BMPR1A: variants seen among roughly 807,000 people sequenced by gnomAD.
The protein encoded by BMPR1A is bone morphogenetic protein receptor type 1A, also known as bone morphogenetic protein receptor type-1A.
Under a neutral mutation model 66.0 loss-of-function variants are expected in BMPR1A, and 7 were observed. The ratio of observed to expected loss-of-function variants is 0.11; its 90% CI spans 0.06 to 0.20. The LOEUF is 0.20. BMPR1A is among the 10% of genes least tolerant of loss of function. BMPR1A has a pLI of 1.00. For synonymous variants in BMPR1A, 200 were observed against 229.7 expected (o/e 0.87, Z 1.17); for missense variants, 408 against 669.1 (o/e 0.61, Z 4.31).
intron 1 of BMPR1A, among the ~76,000 whole-genome samples, chr10:86,757,418 C>T (rs973015433): frequency 3.3e-5 from 5 of 152,198 alleles, no homozygotes; most frequent in African/African-American, 1.2e-4. Flanking sequence ...GCTGCTTCAC[C>T]TGTTGTCCTG....
chr10:86,871,929 A>G (rs1385967836), intron 2 of BMPR1A, among the ~76,000 whole-genome samples: 2 of 152,126 alleles, frequency 1.3e-5, no homozygotes, highest in East Asian at 3.9e-4. Flanking sequence ...TTTTGGTTGT[A>G]TCTCAAGTGG....
intron 9 of BMPR1A, among the ~76,000 whole-genome samples, chr10:86,918,663 G>A (rs1047546995): frequency 6.4e-5 from 9 of 141,194 alleles, no homozygotes; most frequent in Non-Finnish European, 1.2e-4. Context: ...TCATTCTGTC[G>A]CTCAGGCTGG....
chr10:86,887,122 C>T (rs574415311), intron 3 of BMPR1A, among the ~76,000 whole-genome samples: 1 of 152,160 alleles, frequency 6.6e-6, no homozygotes, highest in Admixed American at 6.5e-5. Flanking sequence ...CGTGAGCCAC[C>T]GCGCCTGGCC....
In BMPR1A at chr10:86,800,472, A is replaced by G. The variant is rs138128383; in HGVS notation, c.-267-38393A>G. ...TGCAATGTGAAATCGGCTCACCGCA[A>G]CCTCCGCCTCCCAGGTTCAAGCGAT... On this transcript the variant is annotated intron_variant, in intron 1 of 12. Transcript: ENST00000372037. Among the ~76,000 whole-genome samples the G allele has an allele frequency of 4.5e-3, 678 of 152,186 alleles. 9 individuals are homozygous for G. The highest frequency in any genetic ancestry group is 0.015 in the African/African-American group (639 of 41,514).
At chr10:86,810,115 C>T (rs545605484) in intron 1 of BMPR1A, among the ~76,000 whole-genome samples, 8 of 151,968 alleles carry the variant, frequency 5.3e-5, no homozygotes, top group South Asian at 2.1e-4. Context: ...AGATTACAGG[C>T]GCCCACCACC....
intron 3 of BMPR1A, among the ~76,000 whole-genome samples, chr10:86,884,611 C>G (rs1230379966): frequency 1.3e-5 from 2 of 151,316 alleles, no homozygotes; most frequent in African/African-American, 2.4e-5. Flanking sequence ...ACAAGAGTTT[C>G]ACCATGTTGG....
chr10:86,919,370 C>A lies in BMPR1A; in HGVS notation c.1067C>A (p.Pro356His). Residue 356 changes from proline to histidine, a missense_variant, in exon 10 of 13, where the codon CCC becomes CAC. By Grantham distance (77) the Pro-to-His change is moderately conservative. Transcript: ENST00000372037. ...GAAATTTATGGCACCCAAGGAAAGC[C>A]CGCAATTGCTCATCGAGACCTAAAG... ...HTEIYGTQGK[P>H]AIAHRDLKSK... The A allele has an allele frequency of 6.2e-7, 1 of 1,613,126 alleles. No homozygotes were observed. The highest frequency in any genetic ancestry group is 1.1e-5 in the South Asian group (1 of 91,032).
intron 1 of BMPR1A, among the ~76,000 whole-genome samples, chr10:86,826,782 T>C (rs1259552539): frequency 3.3e-5 from 5 of 152,126 alleles, no homozygotes; most frequent in African/African-American, 4.8e-5. Flanking sequence ...AATTTCAAAA[T>C]AGAATTTTGT....
At chr10:86,813,863 T>G (rs1269426733) in intron 1 of BMPR1A, among the ~76,000 whole-genome samples, 4 of 152,230 alleles carry the variant, frequency 2.6e-5, no homozygotes, top group African/African-American at 9.6e-5. Context: ...CTAGAAGGGC[T>G]TATGGGAACA....
intron 1 of BMPR1A, among the ~76,000 whole-genome samples, chr10:86,826,861 G>A (rs1371512314): frequency 6.6e-6 from 1 of 151,778 alleles, no homozygotes; most frequent in Non-Finnish European, 1.5e-5. Context: ...AGACATTTAT[G>A]TACATTACAT....
rs150229118 is a variant in BMPR1A at position 86,771,790 on chromosome 10, C to G, written c.-268+14871C>G. ...ATTGATTGATTGAAGCAGGGTCTCACGCATTCCATTCCCCAGGCAGGAGTG... is the reference window on the plus strand; with the variant it reads ...ATTGATTGATTGAAGCAGGGTCTCAGGCATTCCATTCCCCAGGCAGGAGTG... On this transcript the variant is annotated intron_variant, in intron 1 of 12. Coordinates refer to ENST00000372037, the MANE Select transcript of BMPR1A (RefSeq NM_004329.3). Among the ~76,000 whole-genome samples the G allele has an allele frequency of 3.9e-3, 590 of 152,268 alleles. 2 individuals are homozygous for G. The highest frequency in any genetic ancestry group is 7.6e-3 in the African/African-American group (314 of 41,538).
chr10:86,811,117 C>A (rs950831234), intron 1 of BMPR1A, among the ~76,000 whole-genome samples: 4 of 152,182 alleles, frequency 2.6e-5, no homozygotes, highest in Non-Finnish European at 5.9e-5. Flanking sequence ...TGGTTCACGG[C>A]AACATCTGGC....
Position 86,782,089 on chromosome 10 carries a change from C to A in BMPR1A, c.-268+25170C>A, listed in dbSNP as rs147408624. Among the ~76,000 whole-genome samples, 1,049 of 152,024 alleles carry A rather than the reference C, an allele frequency of 6.9e-3. 13 individuals are homozygous for A. The highest frequency in any genetic ancestry group is 0.024 in the African/African-American group (995 of 41,462). On this transcript the variant is annotated intron_variant, in intron 1 of 12. Transcript: ENST00000372037. ...CGTTGGTCAGCCTGGTCTTGAACTC[C>A]TGACCTCAGGTGATCCTCCCGCCTC...
At chr10:86,930,287 C>CT (rs556079831), downstream of BMPR1A, 75 of 146,822 alleles carry the variant, frequency 5.1e-4, no homozygotes, top group Middle Eastern at 3.6e-3. Flanking sequence ...ATCTTTTTTT[C>CT]TTTTTTTTTT....
At chr10:86,875,124 G>A (rs552513195) in intron 2 of BMPR1A, among the ~76,000 whole-genome samples, 3 of 151,774 alleles carry the variant, frequency 2.0e-5, no homozygotes, top group Non-Finnish European at 4.4e-5. Context: ...TGTAATCCTA[G>A]CACTTTGGGA....
intron 1 of BMPR1A, among the ~76,000 whole-genome samples, chr10:86,760,524 C>A (rs1325834640): frequency 1.3e-5 from 2 of 152,098 alleles, no homozygotes; most frequent in South Asian, 4.1e-4. Context: ...AGGTGAGGCA[C>A]TGTGGCTGGC....
At chr10:86,805,395 C>A (rs562080376) in intron 1 of BMPR1A, among the ~76,000 whole-genome samples, 1 of 151,400 alleles carries the variant, frequency 6.6e-6, no homozygotes, top group African/African-American at 2.4e-5. Context: ...CACACACACA[C>A]ACACACACAC....
Position 86,921,706 on chromosome 10 carries a change from G to C in BMPR1A, c.1342+11G>C, listed in dbSNP as rs548013712. 6.2e-7 allele frequency: 1 copy of C among 1,614,140 alleles called. No homozygotes were observed. The highest frequency in any genetic ancestry group is 1.1e-5 in the South Asian group (1 of 91,048). ...GTTGTATCACAGGAGGTGGGAGTTT[G>C]AGTAGTTTCTGATTATGTTGATTTA... On this transcript the variant is annotated intron_variant, in intron 11 of 12. Transcript: ENST00000372037.
chr10:86,800,007 A>G (rs1841789285), intron 1 of BMPR1A, among the ~76,000 whole-genome samples: 1 of 152,180 alleles, frequency 6.6e-6, no homozygotes, highest in South Asian at 2.1e-4. Context: ...AAAACAAGAA[A>G]AAGAATAGTA....
Sources: gnomAD v4.1 joint callset for allele counts (sites outside exome capture counted in the v4.1 genomes callset) on GRCh38, gnomAD v4.1.1 for gene constraint, MANE v1.5 for transcripts, NCBI Gene and HGNC (gene_info 2026-07-23, HGNC 2026-07-21) for gene names.